The following KLF11 variants were observed in gnomAD, a reference collection of about 807,000 sequenced individuals.
The protein encoded by KLF11 is KLF transcription factor 11.
KLF11 carries 26 observed loss-of-function variants against 29.9 expected under a neutral mutation model. The ratio of observed to expected loss-of-function variants is 0.87; its 90% confidence interval spans 0.64 to 1.21. The LOEUF (loss-of-function observed/expected upper bound fraction) is 1.21, where lower values mean the gene tolerates loss of function less well. KLF11 is among the 50% of genes most tolerant of loss of function. KLF11 has a pLI of 0.00. For synonymous variants in KLF11, 318 were observed against 257.4 expected (o/e 1.24, Z -2.25); for missense variants, 778 against 665.7 (o/e 1.17, Z -1.86).
At chr2:10,050,196 C>A (rs369383495) in intron 3 of KLF11, among the ~76,000 whole-genome samples, 1 of 152,260 alleles carries the variant, frequency 6.6e-6, no homozygotes, top group Non-Finnish European at 1.5e-5. Flanking sequence ...ATCACAAGGT[C>A]AGGAGTTTGA....
At chr2:10,043,953 CG>C (rs1661081151) in intron 1 of KLF11, 195 bp downstream of exon 1, 1 of 965,442 alleles carries the variant, frequency 1.0e-6, no homozygotes, top group Non-Finnish European at 1.2e-6. Context: ...CCCGGGTCGG[CG>C]GGGGCGAGGA....
At position 10,054,049 on chromosome 2, in the gene KLF11, T is replaced by C. The variant is rs1558353018; in HGVS notation, c.*1542T>C. On this transcript the variant is annotated 3_prime_UTR_variant, in exon 4 of 4. Coordinates refer to ENST00000305883, the MANE Select transcript of KLF11 (RefSeq NM_003597.5). ...AAAATCTCCACCTGGTCATTCATTG[T>C]GTGTGACTTGATACCTGTTAACTTG... 1 of 152,238 alleles carries C rather than the reference T, an allele frequency of 6.6e-6. No individual in the cohort carries two copies. The highest frequency in any genetic ancestry group is 1.5e-5 in the Non-Finnish European group (1 of 68,040). 9.4% of individuals were successfully genotyped at this position (152,238 alleles called of 1,614,324 possible).
chr2:10,046,494 G>C (rs1661208038), intron 2 of KLF11, 75 bp downstream of exon 2: 7 of 1,518,674 alleles, frequency 4.6e-6, no homozygotes, highest in Non-Finnish European at 6.3e-6. Flanking sequence ...TGAAGAACTT[G>C]TGAGAAGATT....
At position 10,048,525 on chromosome 2, in the gene KLF11, C is replaced by T; in HGVS notation, c.1188C>T (p.Cys396=). 1 of 1,612,464 alleles carries T rather than the reference C, an allele frequency of 6.2e-7. No individual in the cohort carries two copies. The highest frequency in any genetic ancestry group is 8.5e-7 in the Non-Finnish European group (1 of 1,180,026). The change falls in exon 3 of 4, where the codon TGC becomes TGT. Residue 396 remains cysteine (C), a synonymous_variant. Transcript: ENST00000305883. ...VDFSRRRNYV[C]SFPGCRKTYF... is the part of the protein sequence containing the mutation. ...TTTCCCGAAGGAGGAACTATGTATG[C>T]AGCTTCCCAGGTTGCCGGAAGACCT...
At chr2:10,049,228 A>G (rs73913971) in intron 3 of KLF11, among the ~76,000 whole-genome samples, 3,060 of 152,278 alleles carry the variant, frequency 0.02, 99 homozygotes, top group African/African-American at 0.067. Context: ...TCACACTTGA[A>G]GTGTGTGGCT....
In KLF11 at chr2:10,052,324, G is replaced by C; in HGVS notation, c.1356G>C (p.Lys452Asn). ...SRHRRTHTGEKKFVCPVCDRR... is the reference protein window; with the variant it reads ...SRHRRTHTGENKFVCPVCDRR... ...ACCGCAGAACTCACACAGGGGAGAA[G>C]AAGTTTGTGTGCCCGGTGTGTGACC... The change falls in exon 4 of 4, where the codon AAG becomes AAC. Residue 452 changes from lysine to asparagine, a missense_variant. Physicochemically the swap from Lys to Asn is moderately conservative, Grantham distance 94 (BLOSUM62 0). Transcript: ENST00000305883. 6.2e-7 allele frequency: 1 copy of C among 1,614,174 alleles called. No homozygotes were observed. Among genetic ancestry groups the C allele is most frequent in the Non-Finnish European group, 8.5e-7 (1 of 1,180,040 alleles).
chr2:10,045,371 C>G (rs1166058614), intron 1 of KLF11, among the ~76,000 whole-genome samples: 2 of 151,918 alleles, frequency 1.3e-5, no homozygotes, highest in Non-Finnish European at 1.5e-5. Context: ...GCCAGCTTGA[C>G]CAACATAGCA....
Position 10,052,439 on chromosome 2 carries a change from A to G in KLF11, c.1471A>G (p.Lys491Glu), listed in dbSNP as rs1661435977. The G allele has an allele frequency of 6.2e-7, 1 of 1,614,054 alleles. No homozygotes were observed. The highest frequency in any genetic ancestry group is 1.3e-5 in the African/African-American group (1 of 74,932). Residue 491 changes from lysine to glutamate, a missense_variant, in exon 4 of 4, where the codon AAG becomes GAG. By Grantham distance (56) the Lys-to-Glu change is moderately conservative. Coordinates refer to ENST00000305883, the MANE Select transcript of KLF11 (RefSeq NM_003597.5). ...CCCAGGCTGGCAGGCAGAGGTTGGC[A>G]AGCTGAACAGAATCGCCTCTGCAGA... Reference protein sequence around the residue: ...KIPGWQAEVGKLNRIASAESP... With the variant: ...KIPGWQAEVGELNRIASAESP...
At position 10,043,726 on chromosome 2, in the gene KLF11, C is replaced by G; in HGVS notation, c.10C>G (p.Pro4Ala). The G allele has an allele frequency of 7.2e-7, 1 of 1,380,326 alleles. No homozygotes were observed. Among genetic ancestry groups the G allele is most frequent in the Non-Finnish European group, 9.5e-7 (1 of 1,052,060 alleles). The allele number at this position is 1,380,326 out of a possible 1,614,324, so 85.5% of individuals were successfully genotyped here. A position where few individuals can be genotyped will look rare whatever the true frequency, so the allele number is the denominator to read the frequency against. Residue 4 changes from proline (P) to alanine (A), a missense_variant, in exon 1 of 4, where the codon CCG (proline) becomes GCG (alanine). Pro to Ala is a conservative substitution (Grantham distance 27, BLOSUM62 -1). Transcript: ENST00000305883. ...CCGGCCGGCCTGCACGATGCACACGCCGGACTTCGCAGGCCCAGACGACGC... is the reference window on the plus strand; with the variant it reads ...CCGGCCGGCCTGCACGATGCACACGGCGGACTTCGCAGGCCCAGACGACGC... MHT[P>A]DFAGPDDARA...
At position 10,043,597 on chromosome 2, in the gene KLF11, G is replaced by C; in HGVS notation, c.-120G>C. 1 of 625,254 alleles carries C rather than the reference G, an allele frequency of 1.6e-6. No individual in the cohort carries two copies. Among genetic ancestry groups the C allele is most frequent in the Middle Eastern group, 7.7e-4 (1 of 1,298 alleles). 38.7% of individuals were successfully genotyped at this position (625,254 alleles called of 1,614,324 possible). ...AGAGCCGCGCGGGCGGGCGAGGCGC[G>C]TGCCGGCCGCAGGAGCTCCGGGTTG... On this transcript the variant is annotated 5_prime_UTR_variant, in exon 1 of 4. Transcript: ENST00000305883.
chr2:10,052,323 A>G lies in KLF11; in HGVS notation c.1355A>G (p.Lys452Arg), dbSNP rs968843846. Residue 452 changes from lysine to arginine, a missense_variant, in exon 4 of 4, where the codon AAG becomes AGG. Coordinates refer to ENST00000305883, the MANE Select transcript of KLF11 (RefSeq NM_003597.5). ...CACCGCAGAACTCACACAGGGGAGA[A>G]GAAGTTTGTGTGCCCGGTGTGTGAC... is the stretch of plus-strand genomic sequence containing the variant. ...SRHRRTHTGE[K>R]KFVCPVCDRR... is the part of the protein sequence containing the mutation. 6 of 1,614,002 alleles carry G rather than the reference A, an allele frequency of 3.7e-6. No homozygotes were observed. The African/African-American group carries it at 8.0e-5, about 22-fold the overall frequency.
Position 10,046,221 on chromosome 2 carries a change from C to A in KLF11, c.114C>A (p.Ser38Arg). 1 of 1,614,166 alleles carries A rather than the reference C, an allele frequency of 6.2e-7. No individual in the cohort carries two copies. The highest frequency in any genetic ancestry group is 8.5e-7 in the Non-Finnish European group (1 of 1,180,026). ...KRHDSERSTCSILEQTDMEAV... is the reference protein window; with the variant it reads ...KRHDSERSTCRILEQTDMEAV... ...ATGACAGCGAAAGGTCTACTTGCAG[C>A]ATCTTGGAGCAGACAGACATGGAAG... The change falls in exon 2 of 4, where the codon AGC becomes AGA. Residue 38 changes from serine (S) to arginine (R), a missense_variant. Coordinates refer to ENST00000305883, the MANE Select transcript of KLF11 (RefSeq NM_003597.5).
In KLF11 at chr2:10,048,805, C is replaced by CA. The variant is rs530960767; in HGVS notation, c.1258+210_1258+211insA. On this transcript the variant is annotated intron_variant, in intron 3 of 3. Transcript: ENST00000305883. ...GGATTTTGCCTACAGAGCGCTCGCCCTGGAAGATAAAATGTAGTATAGTTC... is the reference window on the plus strand; with the variant it reads ...GGATTTTGCCTACAGAGCGCTCGCCCATGGAAGATAAAATGTAGTATAGTTC... 1.5e-3 allele frequency among the ~76,000 whole-genome samples: 223 copies of CA among 152,210 alleles called. 1 individual carries two copies. The highest frequency in any genetic ancestry group is 4.7e-3 in the African/African-American group (197 of 41,520).
chr2:10,049,925 G>C (rs1310036236), intron 3 of KLF11, among the ~76,000 whole-genome samples: 1 of 152,180 alleles, frequency 6.6e-6, no homozygotes, highest in Non-Finnish European at 1.5e-5. Flanking sequence ...TGGGCTTGTT[G>C]ACTTGGTGAG....
chr2:10,043,984 A>AGCTTTGTC, intron 1 of KLF11: 1 of 859,232 alleles, frequency 1.2e-6, no homozygotes, highest in Non-Finnish European at 1.4e-6. Context: ...TTCCCCGCGC[A>AGCTTTGTC]GCTTTGTCTT....
chr2:10,049,269 T>C (rs903875850), intron 3 of KLF11, among the ~76,000 whole-genome samples: 1 of 152,204 alleles, frequency 6.6e-6, no homozygotes, highest in African/African-American at 2.4e-5. Context: ...TTTTACATTT[T>C]TTAGTATTTG....
Position 10,052,251 on chromosome 2 carries a change from G to A in KLF11, c.1283G>A (p.Trp428Ter). ...GGGGAGAAGCCTTTCAACTGCAGCT[G>A]GGATGGCTGTGATAAAAAGTTTGCT... ...HTGEKPFNCS[W>*]DGCDKKFARS... Residue 428 changes from tryptophan (W) to a stop codon, truncating the protein, a stop_gained, in exon 4 of 4, where the codon TGG (tryptophan) becomes TAG (stop). Coordinates refer to ENST00000305883, the MANE Select transcript of KLF11 (RefSeq NM_003597.5). LOFTEE classifies it high-confidence loss of function. The A allele has an allele frequency of 6.2e-7, 1 of 1,614,182 alleles. No individual in the cohort carries two copies. Among genetic ancestry groups the A allele is most frequent in the Non-Finnish European group, 8.5e-7 (1 of 1,180,034 alleles).
At chr2:10,044,367 G>A (rs973667181) in intron 1 of KLF11, 96 of 985,626 alleles carry the variant, frequency 9.7e-5, no homozygotes, top group Admixed American at 1.2e-4. Context: ...GGGGGCTTCG[G>A]GGAGGTAGCC....
At position 10,048,141 on chromosome 2, in the gene KLF11, G is replaced by A; in HGVS notation, c.804G>A (p.Leu268=). ...TCSPKNYEND[L]PRKTTPLISV... ...CACCAAAGAATTATGAAAATGACCT[G>A]CCCAGGAAAACCACCCCTCTGATTT... is the stretch of plus-strand genomic sequence containing the variant. The change falls in exon 3 of 4, where the codon CTG becomes CTA. Residue 268 remains leucine (L), a synonymous_variant. Coordinates refer to ENST00000305883, the MANE Select transcript of KLF11 (RefSeq NM_003597.5). 1.2e-6 allele frequency: 2 copies of A among 1,614,156 alleles called. No homozygotes were observed. Among genetic ancestry groups the A allele is most frequent in the Non-Finnish European group, 1.7e-6 (2 of 1,180,022 alleles).
Sources: allele counts gnomAD v4.1 joint callset (sites outside exome capture counted in the v4.1 genomes callset), GRCh38; gene constraint gnomAD v4.1.1; transcripts MANE v1.5; gene names NCBI Gene and HGNC (gene_info 2026-07-23, HGNC 2026-07-21).